SUCLG2: variants seen among roughly 807,000 people sequenced by gnomAD.
The protein encoded by SUCLG2 is succinate-CoA ligase GDP-forming subunit beta, also known as succinate--CoA ligase [GDP-forming] subunit beta, mitochondrial.
In SUCLG2, 42 loss-of-function variants were observed where a neutral mutation model predicts 47.9. The ratio of observed to expected loss-of-function variants is 0.88; its 90% CI spans 0.69 to 1.14. The LOEUF (loss-of-function observed/expected upper bound fraction) is 1.14. SUCLG2 is among the 50% of genes most tolerant of loss of function. SUCLG2 has a pLI of 0.00. For missense variants in SUCLG2, 571 were observed against 525.9 expected (o/e 1.09, Z -0.84); for synonymous variants, 195 against 197.3 (o/e 0.99, Z 0.10).
chr3:67,601,944 C>T (rs114840829), intron 2 of SUCLG2, among the ~76,000 whole-genome samples: 1 of 151,868 alleles, frequency 6.6e-6, no homozygotes, highest in Non-Finnish European at 1.5e-5. Flanking sequence ...ATCGCACCCC[C>T]CAACTCCAGC....
intron 9 of SUCLG2, among the ~76,000 whole-genome samples, chr3:67,492,168 G>A (rs865980957): frequency 1.3e-5 from 2 of 152,206 alleles, no homozygotes; most frequent in African/African-American, 2.4e-5. Flanking sequence ...AATGCCAATC[G>A]TGTACTTTTG....
chr3:67,444,266 C>A (rs1464245662), intron 9 of SUCLG2, among the ~76,000 whole-genome samples: 3 of 63,166 alleles, frequency 4.7e-5, no homozygotes, highest in African/African-American at 1.7e-4. Flanking sequence ...CGGCCAGCCA[C>A]CCCGTCCAGG....
At chr3:67,397,412 A>G (rs1479783059) in intron 10 of SUCLG2, among the ~76,000 whole-genome samples, 1 of 152,168 alleles carries the variant, frequency 6.6e-6, no homozygotes, top group Non-Finnish European at 1.5e-5. Flanking sequence ...GTGAACTCCC[A>G]TTCACAATTG....
At chr3:67,473,612 C>A (rs370322608) in intron 9 of SUCLG2, among the ~76,000 whole-genome samples, 2 of 152,244 alleles carry the variant, frequency 1.3e-5, no homozygotes, top group East Asian at 3.9e-4. Context: ...GGATATTGCA[C>A]ACTTCATTTT....
At chr3:67,364,404 C>G (rs1272791547) in intron 10 of SUCLG2, among the ~76,000 whole-genome samples, 2 of 146,268 alleles carry the variant, frequency 1.4e-5, no homozygotes, top group East Asian at 4.1e-4. Context: ...TCAGAGGAGG[C>G]CTAACAGACA....
intron 9 of SUCLG2, among the ~76,000 whole-genome samples, chr3:67,463,099 C>T (rs964268166): frequency 3.9e-5 from 6 of 152,068 alleles, no homozygotes; most frequent in Non-Finnish European, 8.8e-5. Flanking sequence ...TGAGTGTGAC[C>T]GTGTGCTGCT....
At chr3:67,636,958 TAGAAAGTAAGACCTC>T (rs1559607375) in intron 1 of SUCLG2, among the ~76,000 whole-genome samples, 2 of 152,010 alleles carry the variant, frequency 1.3e-5, no homozygotes, top group East Asian at 3.9e-4. Flanking sequence ...CAGGGAGCTG[TAGAAAGTAAGACCTC>T]AAGGCTTTGT....
intron 9 of SUCLG2, among the ~76,000 whole-genome samples, chr3:67,401,210 T>C (rs1702677325): frequency 6.6e-6 from 1 of 152,174 alleles, no homozygotes; most frequent in African/African-American, 2.4e-5. Context: ...TTAGGTTTTT[T>C]TCCTCCACGA....
At chr3:67,433,785 G>A (rs148577449) in intron 9 of SUCLG2, among the ~76,000 whole-genome samples, 1 of 151,484 alleles carries the variant, frequency 6.6e-6, no homozygotes, top group East Asian at 1.9e-4. Context: ...TAGGAAGTAT[G>A]AGGTGCGGGA....
intron 1 of SUCLG2, among the ~76,000 whole-genome samples, chr3:67,618,636 C>A (rs997471227): frequency 6.6e-6 from 1 of 152,154 alleles, no homozygotes; most frequent in Non-Finnish European, 1.5e-5. Context: ...CTGACTTTTT[C>A]TCTTTTTAGT....
chr3:67,591,324 C>T (rs1223777976), intron 2 of SUCLG2, among the ~76,000 whole-genome samples: 2 of 152,168 alleles, frequency 1.3e-5, no homozygotes, highest in Non-Finnish European at 2.9e-5. Context: ...ACAGACTCTG[C>T]AGGGCAAGGG....
Position 67,653,883 on chromosome 3 carries a change from A to G in SUCLG2, c.84+620T>C, listed in dbSNP as rs145709374. Among the ~76,000 whole-genome samples the G allele has an allele frequency of 2.3e-3, 347 of 152,338 alleles. 7 individuals carry two copies. The East Asian group carries it at 0.048, about 21-fold the overall frequency. The stretch of plus-strand genomic sequence containing the variant: ...CTCCATCAACAAGGAGGACATGGAC[A>G]GGGTCAATGGTCTAATGCGTTTTAG... On this transcript the variant is annotated intron_variant, in intron 1 of 10. Coordinates refer to ENST00000307227, the MANE Select transcript of SUCLG2 (RefSeq NM_003848.4).
chr3:67,555,141 A>C (rs1707124221), intron 2 of SUCLG2, among the ~76,000 whole-genome samples: 1 of 152,186 alleles, frequency 6.6e-6, no homozygotes. Flanking sequence ...ATAGAGGATG[A>C]GAGCAAGTTT....
At chr3:67,493,018 G>A (rs1225802969) in intron 9 of SUCLG2, among the ~76,000 whole-genome samples, 9 of 152,188 alleles carry the variant, frequency 5.9e-5, no homozygotes, top group Non-Finnish European at 4.4e-5. Flanking sequence ...CTGGTGTTCT[G>A]TAATTTTGAC....
At chr3:67,638,005 T>A (rs1020151831) in intron 1 of SUCLG2, among the ~76,000 whole-genome samples, 9 of 152,228 alleles carry the variant, frequency 5.9e-5, no homozygotes, top group African/African-American at 2.2e-4. Context: ...GTTTACTTTA[T>A]AATTACATGT....
At position 67,495,837 on chromosome 3, in the gene SUCLG2, T is replaced by C; in HGVS notation, c.1023A>G (p.Gln341=). ...TGAGCAATTTGAATGCTTGATATAC[T>C]TGAGCTTCCTTTACACCACCTCCAA... ...LDLGGGVKEA[Q]VYQAFKLLTA... The change falls in exon 9 of 11, where the codon CAA becomes CAG. Residue 341 remains glutamine, a synonymous_variant. Transcript: ENST00000307227. 3 of 1,614,046 alleles carry C rather than the reference T, an allele frequency of 1.9e-6. No individual in the cohort carries two copies. The highest frequency in any genetic ancestry group is 1.7e-6 in the Non-Finnish European group (2 of 1,179,958).
At chr3:67,529,780 T>C (rs1263171536) in intron 2 of SUCLG2, among the ~76,000 whole-genome samples, 1 of 152,152 alleles carries the variant, frequency 6.6e-6, no homozygotes, top group Non-Finnish European at 1.5e-5. Flanking sequence ...GGTAACAAAA[T>C]ATCCTGGGGG....
chr3:67,598,170 C>T (rs998635927), intron 2 of SUCLG2, among the ~76,000 whole-genome samples: 2 of 151,824 alleles, frequency 1.3e-5, no homozygotes, highest in African/African-American at 2.4e-5. Flanking sequence ...TTAGTAGAGA[C>T]GGGGTTTCAC....
chr3:67,539,291 G>C (rs984678210), intron 2 of SUCLG2, among the ~76,000 whole-genome samples: 1 of 152,068 alleles, frequency 6.6e-6, no homozygotes, highest in African/African-American at 2.4e-5. Flanking sequence ...TTTATCAAAG[G>C]CCTTTTCTGC....
Sources: allele counts gnomAD v4.1 joint callset (sites outside exome capture counted in the v4.1 genomes callset), GRCh38; gene constraint gnomAD v4.1.1; transcripts MANE v1.5; gene names NCBI Gene and HGNC (gene_info 2026-07-23, HGNC 2026-07-21).